DENND4C: variants seen among roughly 807,000 people sequenced by gnomAD.
DENND4C encodes the protein DENN domain containing 4C, also known as DENN domain-containing protein 4C.
In DENND4C, 108 loss-of-function variants were observed where a neutral mutation model predicts 203.0. That is an observed-to-expected ratio of 0.53 (90% CI 0.46 to 0.62). The LOEUF (loss-of-function observed/expected upper bound fraction) is 0.62. Ranked by LOEUF, DENND4C falls within the 20% of genes least tolerant of loss-of-function variation. The pLI is 0.00. For synonymous variants in DENND4C, 871 were observed against 792.4 expected (o/e 1.10, Z -1.67); for missense variants, 2,481 against 2,301.2 (o/e 1.08, Z -1.60).
rs1685054838 is a variant in DENND4C at position 19,295,999 on chromosome 9, A to G, written c.802-9A>G. The G allele has an allele frequency of 6.4e-7, 1 of 1,572,866 alleles. No individual in the cohort carries two copies. Among genetic ancestry groups the G allele is most frequent in the African/African-American group, 1.4e-5 (1 of 73,232 alleles). ...TCAAATCTTATAACAGAATTCTGTT[A>G]CTCTTTAGGTATATGGAGCTGCCAT... On this transcript the variant is annotated splice_polypyrimidine_tract_variant and intron_variant, in intron 5 of 32. Transcript: ENST00000434457.
At chr9:19,290,284 C>T (rs373834156) in intron 4 of DENND4C, among the ~76,000 whole-genome samples, 2 of 152,248 alleles carry the variant, frequency 1.3e-5, no homozygotes, top group African/African-American at 4.8e-5. Context: ...AGTTTAGGGG[C>T]TGTGATAATT....
At chr9:19,266,854 G>C (rs28861210) in intron 1 of DENND4C, among the ~76,000 whole-genome samples, 8,200 of 152,202 alleles carry the variant, frequency 0.054, 374 homozygotes, top group African/African-American at 0.12. Context: ...TTAAATGTTA[G>C]ACCTAAAACC....
At chr9:19,298,002 T>C in intron 6 of DENND4C, 54 bp from the exon 7 acceptor site, 1 of 1,359,990 alleles carries the variant, frequency 7.4e-7, no homozygotes, top group Non-Finnish European at 1.0e-6. Context: ...TGTTAAAAAC[T>C]GTGATGCATT....
chr9:19,299,670 T>C (rs1260450275), intron 8 of DENND4C, among the ~76,000 whole-genome samples: 1 of 152,260 alleles, frequency 6.6e-6, no homozygotes, highest in African/African-American at 2.4e-5. Flanking sequence ...CTTACCAGAC[T>C]ATTTCACTAT....
At chr9:19,241,835 C>G (rs1823813108) in intron 1 of DENND4C, among the ~76,000 whole-genome samples, 1 of 149,910 alleles carries the variant, frequency 6.7e-6, no homozygotes, top group South Asian at 2.1e-4. Context: ...CTGGGCAACA[C>G]AGTAAGACCT....
intron 9 of DENND4C, among the ~76,000 whole-genome samples, chr9:19,302,360 G>A (rs1034139648): frequency 4.6e-5 from 7 of 152,218 alleles, no homozygotes; most frequent in East Asian, 1.9e-4. Flanking sequence ...TTGCAAAAAG[G>A]CAAAGGTGAA....
At chr9:19,324,283 A>AT in intron 12 of DENND4C, 79 bp from the exon 13 acceptor site, 6 of 1,073,112 alleles carry the variant, frequency 5.6e-6, no homozygotes, top group Non-Finnish European at 8.0e-6. Context: ...TGTAATATAG[A>AT]TAAGTACAAG....
At chr9:19,296,922 T>G (rs1837588592) in intron 6 of DENND4C, among the ~76,000 whole-genome samples, 1 of 152,176 alleles carries the variant, frequency 6.6e-6, no homozygotes, top group African/African-American at 2.4e-5. Context: ...ATGAGTTAAT[T>G]GATGTTAAAA....
At chr9:19,278,278 G>A (rs1424580206) in intron 2 of DENND4C, among the ~76,000 whole-genome samples, 5 of 151,994 alleles carry the variant, frequency 3.3e-5, no homozygotes, top group Non-Finnish European at 7.4e-5. Context: ...TAGGATTACA[G>A]GCGTGCACCA....
At chr9:19,257,710 C>T (rs936140909) in intron 1 of DENND4C, among the ~76,000 whole-genome samples, 3 of 152,106 alleles carry the variant, frequency 2.0e-5, no homozygotes, top group African/African-American at 7.2e-5. Context: ...GGTGACATCA[C>T]TACATATTCT....
intron 30 of DENND4C, among the ~76,000 whole-genome samples, chr9:19,362,443 CAG>C (rs890012207): frequency 1.4e-4 from 21 of 151,900 alleles, no homozygotes; most frequent in African/African-American, 4.6e-4. Context: ...AAAAAAGAAA[CAG>C]AATTAAACTA....
chr9:19,296,048 G>A lies in DENND4C; in HGVS notation c.842G>A (p.Arg281Gln), dbSNP rs1331891625. The A allele has an allele frequency of 3.7e-6, 6 of 1,613,772 alleles. No individual in the cohort carries two copies. The highest frequency in any genetic ancestry group is 2.2e-5 in the East Asian group (1 of 44,870). Residue 281 changes from arginine to glutamine, a missense_variant, in exon 6 of 33, where the codon CGG becomes CAG. By Grantham distance (43) the Arg-to-Gln change is conservative. Coordinates refer to ENST00000434457, the MANE Select transcript of DENND4C (RefSeq NM_001330640.2). Reference protein sequence around the residue: ...AAIQFYEPYSRELLSEKQLMH... With the variant: ...AAIQFYEPYSQELLSEKQLMH... Reference sequence around the variant, plus strand: ...ATTCAGTTTTATGAACCTTACTCTCGGGAACTTCTATCAGAGAAACAGCTT... The same window carrying A: ...ATTCAGTTTTATGAACCTTACTCTCAGGAACTTCTATCAGAGAAACAGCTT...
rs917044690 is a variant in DENND4C at position 19,295,878 on chromosome 9, G to A, written c.802-130G>A. On this transcript the variant is annotated intron_variant, in intron 5 of 32. Coordinates refer to ENST00000434457, the MANE Select transcript of DENND4C (RefSeq NM_001330640.2). The stretch of plus-strand genomic sequence containing the variant: ...ATCTCTGGGACAGAAATTTGGGTGA[G>A]ATTTTTTTTTTCATAATTTATCTGT... The A allele has an allele frequency of 7.5e-6, 5 of 668,708 alleles. No individual in the cohort carries two copies. In the East Asian group the frequency reaches 8.2e-5, roughly 11 times the overall value. 41.4% of individuals were successfully genotyped at this position (668,708 alleles called of 1,614,324 possible).
At chr9:19,266,676 A>T in intron 1 of DENND4C, among the ~76,000 whole-genome samples, 1 of 152,186 alleles carries the variant, frequency 6.6e-6, no homozygotes, top group Non-Finnish European at 1.5e-5. Context: ...AATACCACAC[A>T]TCTACAACCA....
rs1238924146 is a variant in DENND4C, at chr9:19,259,162, C to T, written c.-17-16996C>T. ...ATAAATTATTGTTGACTGTAGTCAT[C>T]CTGTTGTGCTATCAAATACTAGATC... On this transcript the variant is annotated intron_variant, in intron 1 of 32. Coordinates refer to ENST00000434457, the MANE Select transcript of DENND4C (RefSeq NM_001330640.2). Among the ~76,000 whole-genome samples, 4 of 152,162 alleles carry T rather than the reference C, an allele frequency of 2.6e-5. No homozygotes were observed. In the South Asian group the frequency reaches 6.2e-4, roughly 24 times the overall value.
chr9:19,231,058 G>C (rs915376246), intron 1 of DENND4C, among the ~76,000 whole-genome samples: 1 of 152,242 alleles, frequency 6.6e-6, no homozygotes, highest in Non-Finnish European at 1.5e-5. Context: ...GGATCCTGCG[G>C]GATGCAGTCG....
At chr9:19,323,073 G>A (rs1412344300) in intron 12 of DENND4C, among the ~76,000 whole-genome samples, 3 of 152,158 alleles carry the variant, frequency 2.0e-5, no homozygotes, top group Non-Finnish European at 2.9e-5. Flanking sequence ...GGGAGGCTGA[G>A]ATGGGAGGAT....
chr9:19,371,353 C>T (rs1828797464), intron 31 of DENND4C: 1 of 159,330 alleles, frequency 6.3e-6, no homozygotes, highest in African/African-American at 2.4e-5. Flanking sequence ...TAATCTGTTA[C>T]TTTGTCAAGT....
intron 10 of DENND4C, among the ~76,000 whole-genome samples, chr9:19,314,879 A>G (rs1312777515): frequency 1.3e-5 from 2 of 152,096 alleles, no homozygotes; most frequent in East Asian, 1.9e-4. Flanking sequence ...AAAAAGAATC[A>G]GGCTGAGTGC....
Sources: allele counts gnomAD v4.1 joint callset (sites outside exome capture counted in the v4.1 genomes callset), GRCh38; gene constraint gnomAD v4.1.1; transcripts MANE v1.5; gene names NCBI Gene and HGNC (gene_info 2026-07-23, HGNC 2026-07-21).